TTC39B: variants seen among roughly 807,000 people sequenced by gnomAD.
The protein encoded by TTC39B is tetratricopeptide repeat protein 39B.
A neutral mutation model predicts 96.6 loss-of-function variants in TTC39B; 92 were observed. The observed-to-expected ratio is 0.95, with a 90% confidence interval of 0.80 to 1.13. The LOEUF (loss-of-function observed/expected upper bound fraction) is 1.13. TTC39B is among the 50% of genes most tolerant of loss of function. The probability of loss-of-function intolerance (pLI) is 0.00; values close to 1 mark genes in which losing one functional copy is unlikely to be tolerated. For synonymous variants in TTC39B, 367 were observed against 299.4 expected (o/e 1.23, Z -2.33); for missense variants, 955 against 809.3 (o/e 1.18, Z -2.18).
intron 1 of TTC39B, among the ~76,000 whole-genome samples, chr9:15,275,248 T>C (rs1010882801): frequency 6.6e-6 from 1 of 152,088 alleles, no homozygotes; most frequent in Non-Finnish European, 1.5e-5. Context: ...TCCAGGTTGG[T>C]AAGGCTGGTC....
intron 6 of TTC39B, among the ~76,000 whole-genome samples, chr9:15,206,876 G>A (rs1288368889): frequency 6.6e-6 from 1 of 152,062 alleles, no homozygotes; most frequent in Admixed American, 6.6e-5. Flanking sequence ...ATCTCATCTT[G>A]AATTGTAATC....
intron 2 of TTC39B, among the ~76,000 whole-genome samples, chr9:15,234,551 G>C (rs1237990309): frequency 1.3e-5 from 2 of 152,054 alleles, no homozygotes; most frequent in Non-Finnish European, 2.9e-5. Flanking sequence ...CATTGAGAAC[G>C]GGCCATGATG....
chr9:15,219,927 A>C (rs935898142), intron 3 of TTC39B, among the ~76,000 whole-genome samples: 26 of 152,170 alleles, frequency 1.7e-4, no homozygotes, highest in African/African-American at 6.0e-4. Flanking sequence ...TGTCAAAAAG[A>C]AGCCCATTTT....
At chr9:15,250,994 C>G (rs1356711159) in intron 2 of TTC39B, among the ~76,000 whole-genome samples, 1 of 151,504 alleles carries the variant, frequency 6.6e-6, no homozygotes, top group South Asian at 2.1e-4. Flanking sequence ...TCAGGAGTTC[C>G]ACACCAGCCT....
At chr9:15,240,270 G>A (rs1435928778) in intron 2 of TTC39B, among the ~76,000 whole-genome samples, 2 of 151,818 alleles carry the variant, frequency 1.3e-5, no homozygotes, top group Non-Finnish European at 2.9e-5. Context: ...CTCCACTCTG[G>A]CCCTGTTCCT....
intron 2 of TTC39B, among the ~76,000 whole-genome samples, chr9:15,240,008 A>G (rs1821967918): frequency 6.6e-6 from 1 of 152,142 alleles, no homozygotes; most frequent in Non-Finnish European, 1.5e-5. Context: ...CATAGACAAC[A>G]TTTGTCTTTC....
chr9:15,284,122 A>G lies in TTC39B; in HGVS notation c.241-16174T>C, dbSNP rs693223. Among the ~76,000 whole-genome samples the G allele has an allele frequency of 3.1e-3, 464 of 152,104 alleles. 2 individuals are homozygous for G. Among genetic ancestry groups the G allele is most frequent in the African/African-American group, 0.011 (436 of 41,456 alleles). ...AGGAATAGACAACCAAAAAGGACAA[A>G]AGATAAAGGGTGTGACATGCACTCG... is the stretch of plus-strand genomic sequence containing the variant. On this transcript the variant is annotated intron_variant, in intron 1 of 19. Coordinates refer to ENST00000512701, the Ensembl canonical transcript of TTC39B.
At chr9:15,296,817 G>C (rs1385511960) in intron 1 of TTC39B, among the ~76,000 whole-genome samples, 2 of 151,346 alleles carry the variant, frequency 1.3e-5, no homozygotes, top group Non-Finnish European at 2.9e-5. Context: ...TTTTTTAAAA[G>C]GCAGGGCCAG....
At chr9:15,270,751 TA>T (rs35620989) in intron 1 of TTC39B, among the ~76,000 whole-genome samples, 83,586 of 149,814 alleles carry the variant, frequency 0.56, 23,578 homozygotes, top group African/African-American at 0.64. Context: ...CTTTTTTATT[TA>T]AAAAAAAAAA....
intron 2 of TTC39B, among the ~76,000 whole-genome samples, chr9:15,235,655 T>C (rs1040910914): frequency 3.4e-4 from 52 of 152,194 alleles, no homozygotes; most frequent in Admixed American, 3.3e-3. Flanking sequence ...TTGGGGTCTA[T>C]TTTTAGCATC....
At chr9:15,243,964 T>A (rs1020382683) in intron 2 of TTC39B, among the ~76,000 whole-genome samples, 1 of 152,204 alleles carries the variant, frequency 6.6e-6, no homozygotes, top group African/African-American at 2.4e-5. Context: ...TACTATCTCT[T>A]TCAGCAAAAG....
Position 15,288,703 on chromosome 9 carries a change from G to A in TTC39B, c.240+18381C>T, listed in dbSNP as rs527349227. Reference sequence around the variant, plus strand: ...GCTGGTTAACACTTAAGCCATCCACGGATGGCAAGGTTAAAAGAGCGCACT... The same window carrying A: ...GCTGGTTAACACTTAAGCCATCCACAGATGGCAAGGTTAAAAGAGCGCACT... On this transcript the variant is annotated intron_variant, in intron 1 of 19. Transcript: ENST00000512701. 2.0e-5 allele frequency among the ~76,000 whole-genome samples: 3 copies of A among 152,342 alleles called. No homozygotes were observed. In the South Asian group the frequency reaches 6.2e-4, roughly 32 times the overall value.
intron 3 of TTC39B, chr9:15,224,322 C>A (rs574386378): frequency 1.3e-5 from 2 of 152,622 alleles, no homozygotes; most frequent in Non-Finnish European, 2.9e-5. Flanking sequence ...GCTCTGCTGA[C>A]TGCATTCCAG....
chr9:15,236,144 A>C (rs1215574032), intron 2 of TTC39B, among the ~76,000 whole-genome samples: 1 of 152,262 alleles, frequency 6.6e-6, no homozygotes, highest in African/African-American at 2.4e-5. Context: ...TGAGAATGGA[A>C]AACAAAAGTG....
At chr9:15,187,030 A>G in exon 15 of TTC39B, 1 of 1,610,320 alleles carries the variant, frequency 6.2e-7, no homozygotes, top group South Asian at 1.1e-5. Context: ...AGAACACATA[A>G]GTTGCCTTGA....
At chr9:15,307,192 C>G (rs747099836) in exon 1 of TTC39B, 1 of 1,576,410 alleles carries the variant, frequency 6.3e-7, no homozygotes, top group South Asian at 1.2e-5. Context: ...CTGCTCTCGG[C>G]TCTGGGCTCA....
intron 1 of TTC39B, among the ~76,000 whole-genome samples, chr9:15,277,771 T>C (rs1291456357): frequency 6.6e-6 from 1 of 152,198 alleles, no homozygotes; most frequent in Non-Finnish European, 1.5e-5. Flanking sequence ...TCTAAAATGT[T>C]CATTCATCCA....
chr9:15,202,419 C>T (rs693196), intron 7 of TTC39B, among the ~76,000 whole-genome samples: 41,568 of 151,950 alleles, frequency 0.27, 5,817 homozygotes, highest in South Asian at 0.33. Flanking sequence ...TCAAATAATT[C>T]AAAAGATTGT....
intron 7 of TTC39B, among the ~76,000 whole-genome samples, chr9:15,203,251 A>G (rs1819644590): frequency 6.6e-6 from 1 of 152,010 alleles, no homozygotes; most frequent in Admixed American, 6.6e-5. Context: ...GTTTCTTTAA[A>G]GTTTCTTTTT....
Sources: allele counts gnomAD v4.1 joint callset (sites outside exome capture counted in the v4.1 genomes callset), GRCh38; gene constraint gnomAD v4.1.1; transcripts MANE v1.5; gene names NCBI Gene and HGNC (gene_info 2026-07-23, HGNC 2026-07-21).